GLIS3: variants seen among roughly 807,000 people sequenced by gnomAD.
GLIS3 encodes the protein GLIS family zinc finger 3.
GLIS3 carries 53 observed loss-of-function variants against 78.6 expected under a neutral mutation model. That is an observed-to-expected ratio of 0.67 (90% CI 0.54 to 0.85). The LOEUF (loss-of-function observed/expected upper bound fraction) is 0.85. Ranked by LOEUF, GLIS3 falls within the 40% of genes least tolerant of loss-of-function variation. The pLI is 0.00. For synonymous variants in GLIS3, 684 were observed against 509.9 expected, an observed-to-expected ratio of 1.34 and a Z score of -4.60; for missense variants, 1,703 against 1,231.1, an observed-to-expected ratio of 1.38 and a Z score of -5.74.
chr9:3,900,514 A>AAAAC (rs140870660), intron 6 of GLIS3, among the ~76,000 whole-genome samples: 3,383 of 152,298 alleles, frequency 0.022, 53 homozygotes, highest in South Asian at 0.032. Context: ...ATATATATAT[A>AAAAC]AAACAAATAG....
chr9:4,326,795 G>A (rs1001282546), intron 2 of GLIS3, among the ~76,000 whole-genome samples: 8 of 152,214 alleles, frequency 5.3e-5, no homozygotes, highest in Non-Finnish European at 8.8e-5. Flanking sequence ...AAGTGCCTGC[G>A]AAGGAGAAAG....
the GLIS3 span, among the ~76,000 whole-genome samples, chr9:4,435,913 C>T: frequency 2.0e-5 from 3 of 152,200 alleles, no homozygotes; most frequent in Non-Finnish European, 4.4e-5. Flanking sequence ...CGTGCCACTG[C>T]ACTCCAGCCT....
At chr9:4,423,137 C>G in the GLIS3 span, among the ~76,000 whole-genome samples, 1 of 152,108 alleles carries the variant, frequency 6.6e-6, no homozygotes, top group East Asian at 1.9e-4. Flanking sequence ...CTGGGCAACT[C>G]CGATCATTTC....
intron 2 of GLIS3, among the ~76,000 whole-genome samples, chr9:4,258,064 A>G (rs944483321): frequency 6.6e-6 from 1 of 152,226 alleles, no homozygotes; most frequent in African/African-American, 2.4e-5. Flanking sequence ...ATGTATGCCT[A>G]TGTACACACA....
chr9:3,839,039 C>T (rs755899554), intron 9 of GLIS3, among the ~76,000 whole-genome samples: 1 of 152,180 alleles, frequency 6.6e-6, no homozygotes, highest in Non-Finnish European at 1.5e-5. Flanking sequence ...GGGAATCATA[C>T]ACTCACTACC....
chr9:4,017,086 C>A (rs566402621), intron 4 of GLIS3, among the ~76,000 whole-genome samples: 1 of 152,298 alleles, frequency 6.6e-6, no homozygotes, highest in East Asian at 1.9e-4. Flanking sequence ...TCTCTGCAAA[C>A]CTTTCTCTTT....
At chr9:3,861,004 C>T (rs189009659) in intron 8 of GLIS3, among the ~76,000 whole-genome samples, 5 of 152,068 alleles carry the variant, frequency 3.3e-5, no homozygotes, top group African/African-American at 7.2e-5. Flanking sequence ...CAGCAAAGGG[C>T]GGGGTGGATT....
chr9:3,982,034 CCTGT>C (rs984554838), intron 4 of GLIS3, among the ~76,000 whole-genome samples: 12 of 152,150 alleles, frequency 7.9e-5, no homozygotes, highest in South Asian at 2.1e-4. Flanking sequence ...GCTGGATTGG[CCTGT>C]CTAATTCCAT....
the GLIS3 span, among the ~76,000 whole-genome samples, chr9:4,375,592 T>C: frequency 6.6e-6 from 1 of 152,182 alleles, no homozygotes; most frequent in African/African-American, 2.4e-5. Flanking sequence ...GGCTTTATAA[T>C]GTGTAAGGAT....
chr9:4,268,674 T>G (rs1375755715), intron 2 of GLIS3, among the ~76,000 whole-genome samples: 1 of 152,188 alleles, frequency 6.6e-6, no homozygotes, highest in Non-Finnish European at 1.5e-5. Context: ...GACACCCACA[T>G]AGAATACTCC....
At chr9:3,997,197 T>C (rs530795988) in intron 4 of GLIS3, among the ~76,000 whole-genome samples, 7 of 151,872 alleles carry the variant, frequency 4.6e-5, no homozygotes, top group Non-Finnish European at 1.0e-4. Flanking sequence ...AAATACAAAA[T>C]TAGCTGGGCG....
intron 2 of GLIS3, chr9:4,144,750 G>A (rs1264523885): frequency 2.0e-5 from 3 of 152,192 alleles, no homozygotes; most frequent in African/African-American, 7.2e-5. Flanking sequence ...CCACTGGTAT[G>A]AAAAGGCTTT....
At chr9:3,835,174 G>T (rs547551131) in intron 9 of GLIS3, among the ~76,000 whole-genome samples, 40 of 152,322 alleles carry the variant, frequency 2.6e-4, no homozygotes, top group Non-Finnish European at 4.9e-4. Flanking sequence ...TTCCTTTACA[G>T]TGAGGCTGGG....
At chr9:3,927,946 G>A (rs1416652694) in intron 6 of GLIS3, among the ~76,000 whole-genome samples, 1 of 152,144 alleles carries the variant, frequency 6.6e-6, no homozygotes, top group Non-Finnish European at 1.5e-5. Context: ...AAACACTGGT[G>A]TTACAAAAGC....
the GLIS3 span, among the ~76,000 whole-genome samples, chr9:4,390,171 C>G: frequency 1.3e-5 from 2 of 152,268 alleles, no homozygotes; most frequent in East Asian, 1.9e-4. Flanking sequence ...TGAAACATTC[C>G]AAATTGTGGA....
chr9:4,281,314 G>C (rs193125104), intron 2 of GLIS3, among the ~76,000 whole-genome samples: 10 of 152,130 alleles, frequency 6.6e-5, no homozygotes, highest in Non-Finnish European at 1.5e-4. Flanking sequence ...TTAATCATTT[G>C]TAAGTATACA....
At chr9:4,167,831 T>A (rs562963243) in intron 2 of GLIS3, among the ~76,000 whole-genome samples, 1 of 152,214 alleles carries the variant, frequency 6.6e-6, no homozygotes, top group Non-Finnish European at 1.5e-5. Context: ...ACCTATGGCT[T>A]CCGGGTCCTC....
chr9:4,148,573 G>A (rs1586810780), intron 2 of GLIS3, among the ~76,000 whole-genome samples: 1 of 151,516 alleles, frequency 6.6e-6, no homozygotes, highest in Non-Finnish European at 1.5e-5. Flanking sequence ...CCCTAAACTG[G>A]CAGGCCCATG....
chr9:4,474,907 G>T, the GLIS3 span, among the ~76,000 whole-genome samples: 4 of 150,316 alleles, frequency 2.7e-5, no homozygotes, highest in African/African-American at 9.8e-5. Context: ...TCCCTATGTC[G>T]CCCAGGCTTG....
Sources: allele counts gnomAD v4.1 joint callset (sites outside exome capture counted in the v4.1 genomes callset), GRCh38; gene constraint gnomAD v4.1.1; transcripts MANE v1.5; gene names NCBI Gene and HGNC (gene_info 2026-07-23, HGNC 2026-07-21).